Variants in NUP205 observed in about 807,000 individuals in gnomAD.
NUP205 encodes nucleoporin 205.
NUP205 carries 76 observed loss-of-function variants against 253.8 expected under a neutral mutation model. The ratio of observed to expected loss-of-function variants is 0.30; its 90% CI spans 0.25 to 0.36. The LOEUF (loss-of-function observed/expected upper bound fraction) is 0.36. Ranked by LOEUF, NUP205 falls within the 10% of genes least tolerant of loss-of-function variation. The pLI is 1.00. For synonymous variants in NUP205, 832 were observed against 850.1 expected, an observed-to-expected ratio of 0.98 and a Z score of 0.37; for missense variants, 2,162 against 2,425.5, an observed-to-expected ratio of 0.89 and a Z score of 2.28.
At chr7:135,648,061 C>A (rs1479363988) in intron 42 of NUP205, among the ~76,000 whole-genome samples, 1 of 152,054 alleles carries the variant, frequency 6.6e-6, no homozygotes, top group Non-Finnish European at 1.5e-5. Context: ...TTCCCTCCCT[C>A]CCCCGCCAGT....
In NUP205 at chr7:135,646,068, T is replaced by C. The variant is rs1584696630; in HGVS notation, c.5813-90T>C. ...TCTTGAGCCGTGTTTTTCATGGTGC[T>C]ATTGTTATTATTCATTGTCATCAGG... On this transcript the variant is annotated intron_variant, in intron 41 of 42. Coordinates refer to ENST00000285968, the MANE Select transcript of NUP205 (RefSeq NM_015135.3). The C allele has an allele frequency of 6.0e-6, 5 of 834,226 alleles. No individual in the cohort carries two copies. The East Asian group carries it at 7.3e-5, about 12-fold the overall frequency. 51.7% of individuals were successfully genotyped at this position (834,226 alleles called of 1,614,324 possible). A position where few individuals can be genotyped will look rare whatever the true frequency, so the allele number is the denominator to read the frequency against.
intron 7 of NUP205, among the ~76,000 whole-genome samples, chr7:135,580,362 G>A (rs966299016): frequency 6.6e-6 from 1 of 152,086 alleles, no homozygotes; most frequent in Admixed American, 6.5e-5. Flanking sequence ...TACAAATTCT[G>A]TTTCTCACCT....
At chr7:135,608,824 C>T (rs780798960) in intron 22 of NUP205, among the ~76,000 whole-genome samples, 7 of 151,554 alleles carry the variant, frequency 4.6e-5, no homozygotes, top group South Asian at 4.2e-4. Context: ...GGCTTGGCCG[C>T]GTGCAGTGAC....
intron 30 of NUP205, among the ~76,000 whole-genome samples, chr7:135,622,048 C>A (rs1344950073): frequency 6.6e-6 from 1 of 151,636 alleles, no homozygotes; most frequent in Non-Finnish European, 1.5e-5. Context: ...AAGTGATCCA[C>A]CGCCTCGGCC....
At position 135,601,436 on chromosome 7, in the gene NUP205, C is replaced by G. The variant is rs368106996; in HGVS notation, c.2441C>G (p.Pro814Arg). Residue 814 changes from proline to arginine, a missense_variant, in exon 17 of 43, where the codon CCA becomes CGA. By Grantham distance (103) the Pro-to-Arg change is moderately radical. Coordinates refer to ENST00000285968, the MANE Select transcript of NUP205 (RefSeq NM_015135.3). Reference sequence around the variant, plus strand: ...ATGTATCATCTGCTGAATGAGTCACCAATGTTGGAGCTTGCTCTCAGTTTA... The same window carrying G: ...ATGTATCATCTGCTGAATGAGTCACGAATGTTGGAGCTTGCTCTCAGTTTA... The part of the protein sequence containing the change: ...SLMYHLLNES[P>R]MLELALSLLE... The G allele has an allele frequency of 5.0e-6, 8 of 1,613,698 alleles. No individual in the cohort carries two copies. The highest frequency in any genetic ancestry group is 6.8e-6 in the Non-Finnish European group (8 of 1,179,840).
At position 135,638,990 on chromosome 7, in the gene NUP205, A is replaced by G. The variant is rs1033854274; in HGVS notation, c.5392+307A>G. 1.1e-4 allele frequency among the ~76,000 whole-genome samples: 16 copies of G among 152,284 alleles called. 1 individual carries two copies. Among genetic ancestry groups the G allele is most frequent in the African/African-American group, 3.1e-4 (13 of 41,552 alleles). ...GCTGGGTGGAAAAGATGAAAATACA[A>G]CAAACAGTTTTATATGTTAAATCAT... On this transcript the variant is annotated intron_variant, in intron 38 of 42. Coordinates refer to ENST00000285968, the MANE Select transcript of NUP205 (RefSeq NM_015135.3).
chr7:135,565,523 C>A (rs1336302190), intron 1 of NUP205, among the ~76,000 whole-genome samples: 1 of 150,012 alleles, frequency 6.7e-6, no homozygotes, highest in Non-Finnish European at 1.5e-5. Context: ...ACCGCCACTC[C>A]CAGGGTTCAA....
chr7:135,623,770 C>T lies in NUP205; in HGVS notation c.4479+845C>T, dbSNP rs985079979. 2.6e-4 allele frequency among the ~76,000 whole-genome samples: 40 copies of T among 152,074 alleles called. 1 individual carries two copies. Among genetic ancestry groups the T allele is most frequent in the African/African-American group, 8.9e-4 (37 of 41,496 alleles). On this transcript the variant is annotated intron_variant, in intron 31 of 42. Coordinates refer to ENST00000285968, the MANE Select transcript of NUP205 (RefSeq NM_015135.3). The stretch of plus-strand genomic sequence containing the variant: ...ATAAACTGGCATAACCTTTTAGTTA[C>T]GTTTCTTTGTTTGTTTGTTTGTTTG...
chr7:135,618,578 A>G lies in NUP205; in HGVS notation c.3938A>G (p.Asp1313Gly). ...QAEDRQLIIR[D>G]ILQDVHDKIL... ...GAGGATCGACAACTGATTATTCGTGATATTTTACAAGATGTGCATGATAAG... is the reference window on the plus strand; with the variant it reads ...GAGGATCGACAACTGATTATTCGTGGTATTTTACAAGATGTGCATGATAAG... The change falls in exon 28 of 43, where the codon GAT becomes GGT. Residue 1313 changes from aspartate (D) to glycine (G), a missense_variant. By Grantham distance (94) the Asp-to-Gly change is moderately conservative (BLOSUM62 -1). This residue lies in a region of NUP205 where 1,144 missense variants were observed against 1,280.9 expected (regional missense o/e 0.89). Coordinates refer to ENST00000285968, the MANE Select transcript of NUP205 (RefSeq NM_015135.3). 1.2e-6 allele frequency: 2 copies of G among 1,606,548 alleles called. No homozygotes were observed. The highest frequency in any genetic ancestry group is 1.7e-6 in the Non-Finnish European group (2 of 1,176,088).
intron 1 of NUP205, among the ~76,000 whole-genome samples, chr7:135,567,124 GTGTGTATATATATATATATATATATATA>G (rs1156320627): frequency 0.018 from 425 of 24,246 alleles, 44 homozygotes; most frequent in African/African-American, 0.056. Context: ...CTCAGTCTAT[GTGTGTATATATATATATATATATATATA>G]TATATATATA....
intron 7 of NUP205, among the ~76,000 whole-genome samples, chr7:135,579,734 C>A (rs1806253999): frequency 6.6e-6 from 1 of 152,136 alleles, no homozygotes; most frequent in South Asian, 2.1e-4. Context: ...CAACCTCCAC[C>A]TACTGGGTTC....
At position 135,646,331 on chromosome 7, in the gene NUP205, G is replaced by A. The variant is rs1054857272; in HGVS notation, c.5886+100G>A. On this transcript the variant is annotated intron_variant, in intron 42 of 42. Coordinates refer to ENST00000285968, the MANE Select transcript of NUP205 (RefSeq NM_015135.3). ...TAATCCCAGCATTTTGGGAGGCCGA[G>A]ACGGGAGGATTGCTTGAGCCCAGGA... The A allele has an allele frequency of 3.5e-6, 3 of 852,278 alleles. No individual in the cohort carries two copies. In the South Asian group the frequency reaches 4.4e-5, roughly 13 times the overall value. 52.8% of individuals were successfully genotyped at this position (852,278 alleles called of 1,614,324 possible).
chr7:135,626,436 A>T, intron 33 of NUP205, 75 bp downstream of exon 33: 2 of 1,506,508 alleles, frequency 1.3e-6, no homozygotes, highest in Non-Finnish European at 1.8e-6. Context: ...TTCCAAACAT[A>T]ATTTTGCCGC....
chr7:135,590,430 C>CT (rs1563118876), intron 10 of NUP205, among the ~76,000 whole-genome samples: 4 of 151,818 alleles, frequency 2.6e-5, no homozygotes, highest in African/African-American at 7.3e-5. Context: ...ATTATTTTTA[C>CT]TTTCGTTTTA....
intron 34 of NUP205, 44 bp from the exon 35 acceptor site, chr7:135,630,300 C>T (rs1310257523): frequency 6.9e-7 from 1 of 1,440,612 alleles, no homozygotes; most frequent in Non-Finnish European, 9.2e-7. Flanking sequence ...TAATTTTCTA[C>T]TTCTACCTGT....
intron 22 of NUP205, among the ~76,000 whole-genome samples, chr7:135,612,151 A>G (rs1794255545): frequency 6.6e-6 from 1 of 152,120 alleles, no homozygotes. Context: ...AACAGAATAT[A>G]TTTCCAGACA....
intron 23 of NUP205, among the ~76,000 whole-genome samples, chr7:135,614,775 G>A (rs573334601): frequency 5.8e-4 from 88 of 152,180 alleles, no homozygotes; most frequent in African/African-American, 2.0e-3. Flanking sequence ...CAGTCTTATC[G>A]AGATTCTACT....
In NUP205 at chr7:135,645,489, T is replaced by A; in HGVS notation, c.5705T>A (p.Phe1902Tyr). 1 of 1,614,062 alleles carries A rather than the reference T, an allele frequency of 6.2e-7. No individual in the cohort carries two copies. Among genetic ancestry groups the A allele is most frequent in the Non-Finnish European group, 8.5e-7 (1 of 1,179,936 alleles). Residue 1902 changes from phenylalanine (F) to tyrosine (Y), a missense_variant, in exon 41 of 43, where the codon TTT (phenylalanine) becomes TAT (tyrosine). Physicochemically the swap from Phe to Tyr is conservative, Grantham distance 22 (BLOSUM62 3). Around this residue, in one of 5 missense-constraint regions of NUP205, gnomAD observed 1,144 missense variants for 1,280.9 expected, o/e 0.89. Coordinates refer to ENST00000285968, the MANE Select transcript of NUP205 (RefSeq NM_015135.3). ...LCSFIIETCL[F>Y]ILWRHLEYYL... ...ATAGTTATCATAGAGACCTGCCTAT[T>A]TATTCTTTGGCGCCATCTGGAGTAC...
chr7:135,574,906 A>G (rs960430176), intron 3 of NUP205, among the ~76,000 whole-genome samples: 1 of 152,236 alleles, frequency 6.6e-6, no homozygotes, highest in Non-Finnish European at 1.5e-5. Flanking sequence ...ATATATGGCT[A>G]CCAAAATCCT....
Sources: allele counts gnomAD v4.1 joint callset (sites outside exome capture counted in the v4.1 genomes callset), GRCh38; gene constraint gnomAD v4.1.1; regional missense constraint gnomAD v4.1.1; transcripts MANE v1.5; gene names NCBI Gene and HGNC (gene_info 2026-07-23, HGNC 2026-07-21).